SORCS2: variants seen among roughly 807,000 people sequenced by gnomAD.
The protein encoded by SORCS2 is sortilin related VPS10 domain containing receptor 2.
In SORCS2, 100 loss-of-function variants were observed where a neutral mutation model predicts 141.6. The observed-to-expected ratio is 0.71, with a 90% confidence interval of 0.60 to 0.83. SORCS2 has a LOEUF of 0.83. SORCS2 is among the 40% of genes least tolerant of loss of function. The probability of loss-of-function intolerance (pLI) is 0.00; values close to 1 mark genes in which losing one functional copy is unlikely to be tolerated. For synonymous variants in SORCS2, 789 were observed against 676.9 expected, an observed-to-expected ratio of 1.17 and a Z score of -2.57; for missense variants, 1,646 against 1,560.2, an observed-to-expected ratio of 1.05 and a Z score of -0.93.
rs1716223386 is a variant in SORCS2, at chr4:7,286,373, G to A, written c.480+93247G>A. Among the ~76,000 whole-genome samples, 2 of 152,222 alleles carry A rather than the reference G, an allele frequency of 1.3e-5. No individual in the cohort carries two copies. The highest frequency in any genetic ancestry group is 4.1e-4 in the South Asian group (2 of 4,824). ...GGTGGCTCTGGGGCTGGGTTGGGGA[G>A]CTACCTACTTTGGCCAGAACGGAGC... On this transcript the variant is annotated intron_variant, in intron 1 of 26. Transcript: ENST00000507866. The surrounding 1 kb of genome is among the most constrained non-coding windows in gnomAD (Gnocchi z 4.1).
chr4:7,396,158 C>G (rs976840612), intron 1 of SORCS2, 130 bp from the exon 2 acceptor site: 1 of 758,378 alleles, frequency 1.3e-6, no homozygotes, highest in Non-Finnish European at 2.2e-6. Context: ...GGGATACTGA[C>G]TAAGAGAGGC....
At chr4:7,566,842 TCTTAC>T (rs1715052970) in intron 3 of SORCS2, among the ~76,000 whole-genome samples, 1 of 142,872 alleles carries the variant, frequency 7.0e-6, no homozygotes, top group Admixed American at 7.0e-5. Context: ...ACATGGCCTG[TCTTAC>T]CTTAGTGGAT....
At chr4:7,505,037 A>AAGG (rs1242036807) in intron 2 of SORCS2, among the ~76,000 whole-genome samples, 1 of 152,098 alleles carries the variant, frequency 6.6e-6, no homozygotes, top group Non-Finnish European at 1.5e-5. Flanking sequence ...TAGGGGTGAA[A>AAGG]AGGATGGAAA....
At chr4:7,318,099 C>T (rs1011099775) in intron 1 of SORCS2, among the ~76,000 whole-genome samples, 1 of 152,208 alleles carries the variant, frequency 6.6e-6, no homozygotes, top group African/African-American at 2.4e-5. Context: ...ACTGGAACCT[C>T]ATTATTGAGT....
At chr4:7,566,102 GTGATAA>G (rs1317588662) in intron 3 of SORCS2, among the ~76,000 whole-genome samples, 2 of 150,004 alleles carry the variant, frequency 1.3e-5, no homozygotes, top group African/African-American at 4.9e-5. Context: ...TGATGATAAT[GTGATAA>G]TGGTAATGGT....
Position 7,654,225 on chromosome 4 carries a change from C to A in SORCS2, c.887+18C>A, listed in dbSNP as rs1215462324. ...GTGTTCTGGTGAGAGCACTTCCCCACCCCAAACCCATGGGGCCCGCAGCTC... is the reference window on the plus strand; with the variant it reads ...GTGTTCTGGTGAGAGCACTTCCCCAACCCAAACCCATGGGGCCCGCAGCTC... On this transcript the variant is annotated intron_variant, in intron 5 of 26. Transcript: ENST00000507866. The A allele has an allele frequency of 7.7e-6, 12 of 1,564,076 alleles. No individual in the cohort carries two copies. The highest frequency in any genetic ancestry group is 7.6e-5 in the Admixed American group (4 of 52,742).
At chr4:7,404,390 A>T (rs1038960579) in intron 2 of SORCS2, among the ~76,000 whole-genome samples, 5 of 152,092 alleles carry the variant, frequency 3.3e-5, no homozygotes, top group Admixed American at 2.0e-4. Flanking sequence ...GCTGGATCTA[A>T]TGGTCATTCT....
At chr4:7,255,854 CGGGGCTGG>C (rs1560143801) in intron 1 of SORCS2, among the ~76,000 whole-genome samples, 6 of 105,386 alleles carry the variant, frequency 5.7e-5, no homozygotes, top group Admixed American at 2.8e-4. Context: ...CGTGGGGACC[CGGGGCTGG>C]AGCGTGGGGC....
At position 7,193,192 on chromosome 4, in the gene SORCS2, C is replaced by G. The variant is rs1490443353; in HGVS notation, c.480+66C>G. 6.5e-6 allele frequency: 9 copies of G among 1,389,716 alleles called. No individual in the cohort carries two copies. The highest frequency in any genetic ancestry group is 4.8e-5 in the South Asian group (3 of 61,920). 86.1% of individuals were successfully genotyped at this position (1,389,716 alleles called of 1,614,324 possible). A position where few individuals can be genotyped will look rare whatever the true frequency, so the allele number is the denominator to read the frequency against. On this transcript the variant is annotated intron_variant, in intron 1 of 26. Coordinates refer to ENST00000507866, the MANE Select transcript of SORCS2 (RefSeq NM_020777.3). The surrounding 1 kb of genome is among the most constrained non-coding windows in gnomAD (Gnocchi z 4.8). ...ACACCGCGGGACACCCGGGCGGGAC[C>G]GCCACGGCCCCCACCCCAGATCCCC...
At chr4:7,601,636 A>AG (rs1717679239) in intron 3 of SORCS2, among the ~76,000 whole-genome samples, 1 of 148,398 alleles carries the variant, frequency 6.7e-6, no homozygotes, top group Non-Finnish European at 1.5e-5. Flanking sequence ...AAAAAAAAAA[A>AG]AAAAGTTTAA....
At chr4:7,297,309 G>A (rs1456245523) in intron 1 of SORCS2, among the ~76,000 whole-genome samples, 2 of 152,158 alleles carry the variant, frequency 1.3e-5, no homozygotes, top group East Asian at 3.9e-4. Context: ...CGGTGGGGCT[G>A]GAGGGAAGAG....
At chr4:7,622,107 CA>C (rs550499954) in intron 3 of SORCS2, among the ~76,000 whole-genome samples, 193 of 152,242 alleles carry the variant, frequency 1.3e-3, no homozygotes, top group African/African-American at 4.4e-3. Flanking sequence ...AGAGTAGCCA[CA>C]AAAAAGCCAG....
chr4:7,543,679 CCCATCCACCCAT>C (rs1577723659), intron 3 of SORCS2, among the ~76,000 whole-genome samples: 1 of 80,180 alleles, frequency 1.2e-5, no homozygotes, highest in African/African-American at 3.8e-5. Context: ...CATCCATCCA[CCCATCCACCCAT>C]CCACCCATCC....
intron 3 of SORCS2, among the ~76,000 whole-genome samples, chr4:7,543,413 ATCTATCCATCCATCCG>A (rs1221074219): frequency 8.3e-5 from 2 of 24,232 alleles, no homozygotes; most frequent in East Asian, 6.0e-3. Flanking sequence ...CCACCCATCC[ATCTATCCATCCATCCG>A]TCCATCCATC....
At chr4:7,259,833 T>C (rs1021201538) in intron 1 of SORCS2, among the ~76,000 whole-genome samples, 1 of 152,222 alleles carries the variant, frequency 6.6e-6, no homozygotes, top group East Asian at 1.9e-4. Context: ...CCCCCTGCAC[T>C]GCTGTGGATG....
intron 1 of SORCS2, among the ~76,000 whole-genome samples, chr4:7,223,884 G>A (rs1427861938): frequency 7.4e-5 from 1 of 13,428 alleles, no homozygotes; most frequent in Non-Finnish European, 1.7e-4. Flanking sequence ...GTTAAGTGCT[G>A]TTAAGGCCCA....
chr4:7,475,192 G>A (rs1042873073), intron 2 of SORCS2, among the ~76,000 whole-genome samples: 9 of 152,160 alleles, frequency 5.9e-5, no homozygotes, highest in African/African-American at 2.2e-4. Flanking sequence ...GAGGTTGGGG[G>A]CATAGGGTGC....
intron 3 of SORCS2, among the ~76,000 whole-genome samples, chr4:7,539,671 A>T (rs1178248868): frequency 2.7e-5 from 2 of 74,910 alleles, no homozygotes; most frequent in Non-Finnish European, 3.7e-5. Flanking sequence ...TCCCAGCTGC[A>T]AGGCCCCGAC....
intron 3 of SORCS2, among the ~76,000 whole-genome samples, chr4:7,611,489 T>C (rs1488192117): frequency 3.3e-5 from 5 of 152,084 alleles, no homozygotes; most frequent in African/African-American, 1.2e-4. Flanking sequence ...TGGGAGCAGG[T>C]CTCTGGTTTG....
Sources: gnomAD v4.1 joint callset for allele counts (sites outside exome capture counted in the v4.1 genomes callset) on GRCh38, gnomAD v4.1.1 for gene constraint, Gnocchi (gnomAD v3.1) non-coding constraint, MANE v1.5 for transcripts, NCBI Gene and HGNC (gene_info 2026-07-23, HGNC 2026-07-21) for gene names.